Variants in TSPAN7 observed in about 807,000 individuals in gnomAD.
The protein encoded by TSPAN7 is tetraspanin-7.
A neutral mutation model predicts 17.6 loss-of-function variants in TSPAN7; 1 was observed. That is an observed-to-expected ratio of 0.06 (90% CI 0.02 to 0.27). The LOEUF (loss-of-function observed/expected upper bound fraction) is 0.27. Ranked by LOEUF, TSPAN7 falls within the 10% of genes least tolerant of loss-of-function variation. The pLI, the probability that TSPAN7 is intolerant of heterozygous loss-of-function variation, is 1.00. For synonymous variants in TSPAN7, 78 were observed against 79.0 expected (o/e 0.99, Z 0.07); for missense variants, 112 against 201.7 (o/e 0.56, Z 2.69).
intron 1 of TSPAN7, among the ~76,000 whole-genome samples, chrX:38,608,922 G>T (rs1037166712): frequency 1.8e-5 from 2 of 111,961 alleles, no homozygotes; most frequent in African/African-American, 6.5e-5. Flanking sequence ...GGACCCCATT[G>T]TATGAATATA....
At chrX:38,652,577 C>T (rs990817146) in intron 1 of TSPAN7, among the ~76,000 whole-genome samples, 1 of 112,677 alleles carries the variant, frequency 8.9e-6, no homozygotes, top group African/African-American at 3.2e-5. Flanking sequence ...TAGAAACAAG[C>T]CACCAGGTAT....
intron 6 of TSPAN7, among the ~76,000 whole-genome samples, chrX:38,682,186 A>T (rs905380772): frequency 3.6e-4 from 33 of 92,771 alleles, no homozygotes; most frequent in African/African-American, 2.5e-3. Flanking sequence ...ATTTTTTATT[A>T]TTTTTTTATT....
intron 1 of TSPAN7, among the ~76,000 whole-genome samples, chrX:38,591,813 TTAAC>T (rs2069293650): frequency 8.9e-6 from 1 of 112,556 alleles, no homozygotes; most frequent in African/African-American, 3.2e-5. Flanking sequence ...TTGTCTGATA[TTAAC>T]ATAACAACAT....
Position 38,651,231 on chromosome X carries a change from C to G in TSPAN7, c.82-14890C>G, listed in dbSNP as rs908126520. Among the ~76,000 whole-genome samples, 6 of 110,431 alleles carry G rather than the reference C, an allele frequency of 5.4e-5. No individual in the cohort carries two copies. The South Asian group carries it at 1.6e-3, about 29-fold the overall frequency. On this transcript the variant is annotated intron_variant, in intron 1 of 7. Transcript: ENST00000378482. The stretch of plus-strand genomic sequence containing the variant: ...CTGTAATCCCAGCACTTTGGGAGGC[C>G]GAGGCGGGTGGATCATGAGGTCAGG...
chrX:38,636,118 A>G (rs1425380604), intron 1 of TSPAN7, among the ~76,000 whole-genome samples: 2 of 106,022 alleles, frequency 1.9e-5, no homozygotes, highest in African/African-American at 7.5e-5. Context: ...TTTGCAAAAC[A>G]TAAGGGGGCT....
chrX:38,606,251 G>A (rs1333902576), intron 1 of TSPAN7, among the ~76,000 whole-genome samples: 2 of 111,358 alleles, frequency 1.8e-5, no homozygotes, highest in Admixed American at 1.9e-4. Flanking sequence ...AGTGGGCAAA[G>A]GACATGAACA....
At chrX:38,651,481 T>C (rs898617264) in intron 1 of TSPAN7, among the ~76,000 whole-genome samples, 4 of 111,533 alleles carry the variant, frequency 3.6e-5, no homozygotes, top group African/African-American at 1.3e-4. Context: ...AAGAAGTCAG[T>C]CATAAGAGGT....
chrX:38,562,414 G>T (rs1400067870), intron 1 of TSPAN7, among the ~76,000 whole-genome samples: 1 of 110,800 alleles, frequency 9.0e-6, no homozygotes, highest in African/African-American at 3.3e-5. Context: ...TAGAGATAGC[G>T]CCCCAACTCT....
At chrX:38,671,983 G>A (rs1254358488) in intron 3 of TSPAN7, among the ~76,000 whole-genome samples, 1 of 111,486 alleles carries the variant, frequency 9.0e-6, no homozygotes, top group East Asian at 2.8e-4. Flanking sequence ...GGGAGGTCGA[G>A]GCTGCAGTGA....
chrX:38,580,059 G>A (rs1390056741), intron 1 of TSPAN7, among the ~76,000 whole-genome samples: 1 of 111,878 alleles, frequency 8.9e-6, no homozygotes, highest in Non-Finnish European at 1.9e-5. Flanking sequence ...TTTCCATGTC[G>A]ACAGACCTGG....
intron 4 of TSPAN7, 54 bp from the exon 5 acceptor site, chrX:38,675,651 G>C (rs781458122): frequency 8.4e-7 from 1 of 1,194,504 alleles, no homozygotes; most frequent in African/African-American, 1.8e-5. Context: ...CAGTGATTGA[G>C]GAGACCACAT....
At chrX:38,614,512 A>G (rs2069442210) in intron 1 of TSPAN7, among the ~76,000 whole-genome samples, 1 of 112,688 alleles carries the variant, frequency 8.9e-6, no homozygotes, top group Non-Finnish European at 1.9e-5. Context: ...GGCCGAGTTG[A>G]AATAATGCTT....
At chrX:38,592,856 A>G (rs940239384) in intron 1 of TSPAN7, among the ~76,000 whole-genome samples, 1 of 111,222 alleles carries the variant, frequency 9.0e-6, no homozygotes, top group Non-Finnish European at 1.9e-5. Context: ...TTTCCCAAGC[A>G]GTTATTTCAG....
At chrX:38,607,326 C>A (rs957553397) in intron 1 of TSPAN7, among the ~76,000 whole-genome samples, 1 of 111,990 alleles carries the variant, frequency 8.9e-6, no homozygotes, top group Non-Finnish European at 1.9e-5. Flanking sequence ...GCAGGTACAG[C>A]ATTGCAGATC....
intron 1 of TSPAN7, among the ~76,000 whole-genome samples, chrX:38,647,087 A>T (rs1440630307): frequency 8.9e-6 from 1 of 112,042 alleles, no homozygotes; most frequent in East Asian, 2.8e-4. Context: ...TTTTCTTCTA[A>T]TTACATTCAC....
At chrX:38,646,145 A>C in intron 1 of TSPAN7, 1 of 635,134 alleles carries the variant, frequency 1.6e-6, no homozygotes, top group Non-Finnish European at 2.2e-6. Flanking sequence ...TGTACTTTCT[A>C]TAAAAAAAAA....
intron 6 of TSPAN7, among the ~76,000 whole-genome samples, chrX:38,685,288 G>A (rs759389405): frequency 9.0e-6 from 1 of 111,613 alleles, no homozygotes; most frequent in Admixed American, 9.5e-5. Context: ...TTTCTTATCT[G>A]GAAAACTGAG....
chrX:38,677,150 G>A (rs959910911), intron 5 of TSPAN7, among the ~76,000 whole-genome samples: 1 of 111,770 alleles, frequency 8.9e-6, no homozygotes, highest in Non-Finnish European at 1.9e-5. Context: ...CTAGTGTCAG[G>A]CTCCAGTAGA....
Position 38,688,723 on chromosome X carries a change from A to AT in TSPAN7, c.*798dup, listed in dbSNP as rs776832833. The AT allele has an allele frequency of 5.3e-5, 6 of 112,150 alleles. No homozygotes were observed. In the East Asian group the frequency reaches 1.7e-3, roughly 32 times the overall value. The allele number at this position is 112,150 out of a possible 1,213,427, so 9.2% of individuals were successfully genotyped here. A position where few individuals can be genotyped will look rare whatever the true frequency, so the allele number is the denominator to read the frequency against. On this transcript the variant is annotated 3_prime_UTR_variant, in exon 8 of 8. Coordinates refer to ENST00000378482, the MANE Select transcript of TSPAN7 (RefSeq NM_004615.4). ...GTGTTATTTTACTACTTCTCTCTGT[A>AT]TTTTTTCTTGCATTGACATTATAGA...
Sources: allele counts gnomAD v4.1 joint callset (sites outside exome capture counted in the v4.1 genomes callset), GRCh38; gene constraint gnomAD v4.1.1; transcripts MANE v1.5; gene names NCBI Gene and HGNC (gene_info 2026-07-23, HGNC 2026-07-21).